Variants in CELF4 observed in about 807,000 individuals in gnomAD.
CELF4 encodes the protein CUG-BP- and ETR-3-like factor 4.
CELF4 carries 18 observed loss-of-function variants against 59.9 expected under a neutral mutation model. The ratio of observed to expected loss-of-function variants is 0.30; its 90% CI spans 0.21 to 0.45. The LOEUF is 0.45. Among genes scored for constraint, CELF4 ranks in the 20% least tolerant of loss-of-function variants. CELF4 has a pLI of 1.00. For missense variants in CELF4, 456 were observed against 689.0 expected (o/e 0.66, Z 3.79); for synonymous variants, 261 against 267.1 (o/e 0.98, Z 0.22).
intron 1 of CELF4, among the ~76,000 whole-genome samples, chr18:37,556,177 T>C (rs761385299): frequency 7.9e-5 from 12 of 152,182 alleles, no homozygotes; most frequent in Non-Finnish European, 1.3e-4. Flanking sequence ...CCTCATTCTC[T>C]CAATTTACCT....
At chr18:37,383,023 CATGTATGTATGTATGTATGT>C (rs72091493) in intron 2 of CELF4, among the ~76,000 whole-genome samples, 5 of 150,396 alleles carry the variant, frequency 3.3e-5, no homozygotes, top group Admixed American at 2.0e-4. Context: ...ATAGTACATA[CATGTATGTATGTATGTATGT>C]ATGTATGTAT....
At chr18:37,546,366 A>T (rs770370690) in intron 1 of CELF4, among the ~76,000 whole-genome samples, 14 of 151,352 alleles carry the variant, frequency 9.2e-5, no homozygotes, top group Non-Finnish European at 2.1e-4. Context: ...CTCACTACAT[A>T]CTTGCACCCA....
chr18:37,249,864 C>T (rs2064356382), intron 12 of CELF4, among the ~76,000 whole-genome samples: 1 of 152,134 alleles, frequency 6.6e-6, no homozygotes. Context: ...AGGCCGAAAG[C>T]TACAGCCTGG....
chr18:37,472,450 C>T (rs974693520), intron 2 of CELF4, among the ~76,000 whole-genome samples: 1 of 152,256 alleles, frequency 6.6e-6, no homozygotes, highest in African/African-American at 2.4e-5. Flanking sequence ...TCACTCCTTT[C>T]TTGGAGACAG....
intron 3 of CELF4, among the ~76,000 whole-genome samples, chr18:37,296,488 G>T (rs894774): frequency 1.3e-5 from 2 of 152,014 alleles, no homozygotes; most frequent in Non-Finnish European, 2.9e-5. Flanking sequence ...GAGCCACTGC[G>T]CCTGGCCGGT....
chr18:37,394,467 G>C (rs1603635103), intron 2 of CELF4, among the ~76,000 whole-genome samples: 1 of 152,206 alleles, frequency 6.6e-6, no homozygotes, highest in Non-Finnish European at 1.5e-5. Flanking sequence ...TCCTGGCTGG[G>C]CTGGGAGGTG....
intron 2 of CELF4, among the ~76,000 whole-genome samples, chr18:37,459,690 T>G (rs576146271): frequency 6.6e-6 from 1 of 152,284 alleles, no homozygotes; most frequent in East Asian, 1.9e-4. Context: ...CATGCCGATC[T>G]TCAGCAGCTC....
intron 11 of CELF4, chr18:37,258,956 G>C: frequency 1.7e-6 from 1 of 593,092 alleles, no homozygotes; most frequent in Non-Finnish European, 2.9e-6. Flanking sequence ...AGAAGCAAAA[G>C]GAGTAGTGGG....
intron 2 of CELF4, among the ~76,000 whole-genome samples, chr18:37,403,343 C>G (rs531805046): frequency 6.6e-6 from 1 of 152,132 alleles, no homozygotes; most frequent in Non-Finnish European, 1.5e-5. Flanking sequence ...AGCCTGGGAG[C>G]GAAAGCCTCA....
At chr18:37,443,815 C>T (rs936807076) in intron 2 of CELF4, among the ~76,000 whole-genome samples, 5 of 152,108 alleles carry the variant, frequency 3.3e-5, no homozygotes, top group Non-Finnish European at 7.4e-5. Context: ...ATAATTCATC[C>T]GCCCTCCATT....
At chr18:37,406,348 A>G (rs1297492707) in intron 2 of CELF4, among the ~76,000 whole-genome samples, 1 of 152,120 alleles carries the variant, frequency 6.6e-6, no homozygotes, top group Non-Finnish European at 1.5e-5. Context: ...GAGATTCCCC[A>G]GCATAAGCCC....
At chr18:37,468,483 A>T (rs2154602459) in intron 2 of CELF4, among the ~76,000 whole-genome samples, 2 of 152,092 alleles carry the variant, frequency 1.3e-5, no homozygotes, top group Non-Finnish European at 2.9e-5. Context: ...GCCTCCCAAG[A>T]TTCTCCTCCT....
chr18:37,422,132 C>T (rs962405515), intron 2 of CELF4, among the ~76,000 whole-genome samples: 2 of 152,132 alleles, frequency 1.3e-5, no homozygotes, highest in South Asian at 2.1e-4. Context: ...GGTGGGGAGG[C>T]GACTTCTCCC....
intron 2 of CELF4, among the ~76,000 whole-genome samples, chr18:37,401,570 G>T (rs2099327190): frequency 6.6e-6 from 1 of 152,150 alleles, no homozygotes; most frequent in Non-Finnish European, 1.5e-5. Flanking sequence ...CAGTTCTCTT[G>T]AGAGTGCAAC....
chr18:37,249,875 C>T (rs889080817), intron 12 of CELF4, among the ~76,000 whole-genome samples: 3 of 152,170 alleles, frequency 2.0e-5, no homozygotes, highest in Admixed American at 1.3e-4. Context: ...TACAGCCTGG[C>T]CCTGTATAGG....
Position 37,435,007 on chromosome 18 carries a change from G to T in CELF4, c.369+50518C>A, listed in dbSNP as rs189839225. Among the ~76,000 whole-genome samples the T allele has an allele frequency of 2.6e-5, 4 of 152,178 alleles. No individual in the cohort carries two copies. The South Asian group carries it at 8.3e-4, about 32-fold the overall frequency. On this transcript the variant is annotated intron_variant, in intron 2 of 12. Coordinates refer to ENST00000420428, the MANE Select transcript of CELF4 (RefSeq NM_020180.4). ...GGAGAAAAATGGCAAGTCCACAGGA[G>T]GGGGGGATCCAGGGGATGTAGGGAG...
At chr18:37,561,177 C>T (rs1305597052) in intron 1 of CELF4, among the ~76,000 whole-genome samples, 1 of 152,198 alleles carries the variant, frequency 6.6e-6, no homozygotes, top group East Asian at 1.9e-4. Context: ...GGCTCCTGGG[C>T]TGAGAGTCCC....
chr18:37,275,137 G>A lies in CELF4; in HGVS notation c.555C>T (p.Arg185=), dbSNP rs779899629. The A allele has an allele frequency of 3.1e-6, 5 of 1,613,344 alleles. No individual in the cohort carries two copies. The East Asian group carries it at 8.9e-5, about 29-fold the overall frequency. Residue 185 remains arginine, a synonymous_variant, in exon 4 of 13, where the codon CGC becomes CGT. Transcript: ENST00000420428. ...FGNIEECTIL[R]GPDGNSKGCA... ...CACCCTTGCTGTTGCCGTCGGGCCCGCGCAGGATGGTGCACTCCTCGATGT... is the reference window on the plus strand; with the variant it reads ...CACCCTTGCTGTTGCCGTCGGGCCCACGCAGGATGGTGCACTCCTCGATGT...
At chr18:37,498,601 T>G (rs1320891354) in intron 1 of CELF4, among the ~76,000 whole-genome samples, 1 of 151,926 alleles carries the variant, frequency 6.6e-6, no homozygotes, top group Admixed American at 6.6e-5. Flanking sequence ...TCCACCTATT[T>G]AATTTTCCCC....
Sources: allele counts gnomAD v4.1 joint callset (sites outside exome capture counted in the v4.1 genomes callset), GRCh38; gene constraint gnomAD v4.1.1; transcripts MANE v1.5; gene names NCBI Gene and HGNC (gene_info 2026-07-23, HGNC 2026-07-21).